Variants in UBE2E2 observed in about 807,000 individuals in gnomAD.
UBE2E2 encodes ubiquitin conjugating enzyme E2 E2, also known as ubiquitin-conjugating enzyme E2 E2.
A neutral mutation model predicts 24.7 loss-of-function variants in UBE2E2; 6 were observed. That is an observed-to-expected ratio of 0.24 (90% confidence interval 0.13 to 0.48). UBE2E2 has a LOEUF of 0.48. Ranked by LOEUF, UBE2E2 falls within the 20% of genes least tolerant of loss-of-function variation. The pLI, the probability that UBE2E2 is intolerant of heterozygous loss-of-function variation, is 0.99. For synonymous variants in UBE2E2, 104 were observed against 83.6 expected (o/e 1.24, Z -1.33); for missense variants, 169 against 245.0 (o/e 0.69, Z 2.07).
intron 3 of UBE2E2, among the ~76,000 whole-genome samples, chr3:23,450,794 G>A (rs1392211508): frequency 2.0e-5 from 3 of 151,964 alleles, no homozygotes; most frequent in Non-Finnish European, 4.4e-5. Flanking sequence ...TTTTTAATGA[G>A]AATATAAAAC....
intron 5 of UBE2E2, among the ~76,000 whole-genome samples, chr3:23,544,140 C>T (rs1055089102): frequency 2.6e-5 from 4 of 152,080 alleles, no homozygotes; most frequent in East Asian, 1.9e-4. Context: ...CTCTTTTGGG[C>T]GTTGGTCTAA....
chr3:23,211,170 T>G (rs1696311927), intron 2 of UBE2E2, among the ~76,000 whole-genome samples: 1 of 152,180 alleles, frequency 6.6e-6, no homozygotes, highest in South Asian at 2.1e-4. Flanking sequence ...GATCGGATTT[T>G]CCATGGATAT....
rs557335328 is a variant in UBE2E2, at chr3:23,469,731, T to C, written c.228-29877T>C. On this transcript the variant is annotated intron_variant, in intron 3 of 5. Transcript: ENST00000396703. ...CATGATTAAACAAGTTCAAAGAGAA[T>C]ATAACATTGATTCACTGCATTTCTC... Among the ~76,000 whole-genome samples the C allele has an allele frequency of 3.3e-5, 5 of 152,336 alleles. No individual in the cohort carries two copies. In the East Asian group the frequency reaches 7.7e-4, roughly 24 times the overall value.
At chr3:23,525,891 T>G (rs1344869159) in intron 4 of UBE2E2, among the ~76,000 whole-genome samples, 3 of 152,216 alleles carry the variant, frequency 2.0e-5, no homozygotes, top group Non-Finnish European at 4.4e-5. Context: ...AACTTCTCCT[T>G]CTGGCAGTTG....
chr3:23,339,069 A>G (rs867370651), intron 3 of UBE2E2, among the ~76,000 whole-genome samples: 2 of 152,210 alleles, frequency 1.3e-5, no homozygotes, highest in African/African-American at 4.8e-5. Context: ...CAAAGTAGAC[A>G]TACTAATAAT....
At chr3:23,529,572 C>A (rs1439365094) in intron 4 of UBE2E2, among the ~76,000 whole-genome samples, 1 of 152,150 alleles carries the variant, frequency 6.6e-6, no homozygotes, top group Non-Finnish European at 1.5e-5. Context: ...GATCTTGAGC[C>A]AGTTCTTTAA....
chr3:23,568,292 A>G (rs549020726), intron 5 of UBE2E2, among the ~76,000 whole-genome samples: 21 of 152,328 alleles, frequency 1.4e-4, no homozygotes, highest in African/African-American at 4.3e-4. Flanking sequence ...AGGAATGTGA[A>G]CAGAAAAGAC....
At chr3:23,443,371 G>A (rs1698348261) in intron 3 of UBE2E2, among the ~76,000 whole-genome samples, 1 of 152,192 alleles carries the variant, frequency 6.6e-6, no homozygotes, top group Non-Finnish European at 1.5e-5. Flanking sequence ...AATATGGTTT[G>A]GTAGGGGTGG....
Position 23,589,893 on chromosome 3 carries a change from C to A in UBE2E2, c.*62C>A. The A allele has an allele frequency of 6.7e-7, 1 of 1,488,322 alleles. No individual in the cohort carries two copies. Among genetic ancestry groups the A allele is most frequent in the Non-Finnish European group, 9.3e-7 (1 of 1,070,518 alleles). 92.2% of individuals were successfully genotyped at this position (1,488,322 alleles called of 1,614,324 possible). A position where few individuals can be genotyped will look rare whatever the true frequency, so the allele number is the denominator to read the frequency against. On this transcript the variant is annotated 3_prime_UTR_variant, in exon 6 of 6. Transcript: ENST00000396703. The surrounding 1 kb of genome is among the most constrained non-coding windows in gnomAD (Gnocchi z 4.1). ...GCACATTCACCAAGTGCATCGGTAG[C>A]CCTGCCCACCCCTCCAGACCTCGGT...
intron 3 of UBE2E2, among the ~76,000 whole-genome samples, chr3:23,328,206 A>G (rs1396165519): frequency 6.6e-6 from 1 of 152,212 alleles, no homozygotes; most frequent in Non-Finnish European, 1.5e-5. Flanking sequence ...AAATTTCCTA[A>G]TTTGCAAAAT....
chr3:23,234,601 T>C (rs545429710), intron 3 of UBE2E2, among the ~76,000 whole-genome samples: 1 of 152,316 alleles, frequency 6.6e-6, no homozygotes, highest in African/African-American at 2.4e-5. Context: ...CTTTATAAGT[T>C]AGATACAGTG....
intron 3 of UBE2E2, among the ~76,000 whole-genome samples, chr3:23,329,902 G>A (rs1695013125): frequency 6.6e-6 from 1 of 152,184 alleles, no homozygotes; most frequent in Non-Finnish European, 1.5e-5. Context: ...GAAGAATGGA[G>A]AAGTTCTGTA....
At chr3:23,318,145 G>C (rs1694635577) in intron 3 of UBE2E2, among the ~76,000 whole-genome samples, 1 of 151,908 alleles carries the variant, frequency 6.6e-6, no homozygotes, top group South Asian at 2.1e-4. Context: ...ATTTATTTAT[G>C]ACAGGGTTTT....
At chr3:23,432,322 G>A (rs1698080263) in intron 3 of UBE2E2, among the ~76,000 whole-genome samples, 1 of 152,022 alleles carries the variant, frequency 6.6e-6, no homozygotes, top group Non-Finnish European at 1.5e-5. Context: ...TTATTTGTAT[G>A]AGGATTCTTC....
At chr3:23,307,053 T>A (rs1363983789) in intron 3 of UBE2E2, among the ~76,000 whole-genome samples, 2 of 152,138 alleles carry the variant, frequency 1.3e-5, no homozygotes, top group Non-Finnish European at 2.9e-5. Context: ...GACAAGCTGA[T>A]ATTTTTGGTA....
intron 5 of UBE2E2, among the ~76,000 whole-genome samples, chr3:23,537,190 G>A (rs573008745): frequency 6.6e-6 from 1 of 152,300 alleles, no homozygotes; most frequent in African/African-American, 2.4e-5. Context: ...CCTGTCGTCT[G>A]CCTTCAGACC....
At chr3:23,491,437 A>T in intron 3 of UBE2E2, among the ~76,000 whole-genome samples, 1 of 152,224 alleles carries the variant, frequency 6.6e-6, no homozygotes. Flanking sequence ...CCACTTCCAA[A>T]GGAGAACCTA....
chr3:23,399,437 G>A (rs1435162356), intron 3 of UBE2E2, among the ~76,000 whole-genome samples: 1 of 152,158 alleles, frequency 6.6e-6, no homozygotes, highest in African/African-American at 2.4e-5. Flanking sequence ...GATGATTTAC[G>A]TCCTGTATGG....
chr3:23,251,753 T>C (rs998044597), intron 3 of UBE2E2, among the ~76,000 whole-genome samples: 25 of 152,122 alleles, frequency 1.6e-4, no homozygotes, highest in Admixed American at 2.6e-4. Flanking sequence ...GAAAAAGTTA[T>C]AAAATTATAA....
Sources: gnomAD v4.1 joint callset for allele counts (sites outside exome capture counted in the v4.1 genomes callset) on GRCh38, gnomAD v4.1.1 for gene constraint, Gnocchi (gnomAD v3.1) non-coding constraint, MANE v1.5 for transcripts, NCBI Gene and HGNC (gene_info 2026-07-23, HGNC 2026-07-21) for gene names.